The following CEP128 variants were observed in gnomAD, a reference collection of about 807,000 sequenced individuals.
CEP128 encodes the protein centrosomal protein 128kDa.
In CEP128, 132 loss-of-function variants were observed where a neutral mutation model predicts 156.7. The ratio of observed to expected loss-of-function variants is 0.84; its 90% CI spans 0.73 to 0.97. The LOEUF is 0.97. Ranked by LOEUF, CEP128 falls within the 50% of genes least tolerant of loss-of-function variation. CEP128 has a pLI of 0.00. For missense variants in CEP128, 1,252 were observed against 1,281.9 expected (o/e 0.98, Z 0.36); for synonymous variants, 469 against 448.9 (o/e 1.04, Z -0.57).
At chr14:80,744,038 CTGT>C (rs1384154726) in intron 18 of CEP128, among the ~76,000 whole-genome samples, 1 of 151,668 alleles carries the variant, frequency 6.6e-6, no homozygotes, top group Non-Finnish European at 1.5e-5. Context: ...GTCTGGCTAA[CTGT>C]TTTTTGTATT....
In CEP128 at chr14:80,519,999, T is replaced by C. The variant is rs910050157; in HGVS notation, c.3072+6870A>G. Among the ~76,000 whole-genome samples the C allele has an allele frequency of 9.9e-5, 15 of 152,258 alleles. 1 individual carries two copies. Among genetic ancestry groups the C allele is most frequent in the Admixed American group, 9.2e-4 (14 of 15,294 alleles). ...GGGGCTGCACCAGATCATCTCTAAG[T>C]CCTCTCAGCACTAACATTTTATGAT... On this transcript the variant is annotated intron_variant, in intron 23 of 24. Transcript: ENST00000555265.
intron 23 of CEP128, among the ~76,000 whole-genome samples, chr14:80,508,706 T>C (rs914559753): frequency 6.6e-6 from 1 of 152,222 alleles, no homozygotes; most frequent in Non-Finnish European, 1.5e-5. Context: ...TCATTTCAGC[T>C]GAAAAATTTA....
intron 19 of CEP128, among the ~76,000 whole-genome samples, chr14:80,669,186 C>G (rs1250061859): frequency 6.6e-6 from 1 of 152,048 alleles, no homozygotes; most frequent in Non-Finnish European, 1.5e-5. Context: ...GGATCAAAGA[C>G]TTAAATGTAA....
At chr14:80,648,640 A>G (rs568108352) in intron 19 of CEP128, among the ~76,000 whole-genome samples, 1 of 152,154 alleles carries the variant, frequency 6.6e-6, no homozygotes, top group African/African-American at 2.4e-5. Context: ...GAATACCTAC[A>G]TATTTGTAAA....
chr14:80,602,380 T>C (rs1027916067), intron 19 of CEP128, among the ~76,000 whole-genome samples: 9 of 152,340 alleles, frequency 5.9e-5, no homozygotes, highest in African/African-American at 1.9e-4. Context: ...TAGTCATCTA[T>C]AGAACACTTT....
intron 13 of CEP128, among the ~76,000 whole-genome samples, chr14:80,804,519 C>T (rs1047532049): frequency 1.3e-5 from 2 of 152,174 alleles, no homozygotes; most frequent in African/African-American, 4.8e-5. Flanking sequence ...AAAAATTAAA[C>T]TAATCCCTGT....
At chr14:80,564,140 G>A (rs988903735) in intron 20 of CEP128, among the ~76,000 whole-genome samples, 17 of 152,172 alleles carry the variant, frequency 1.1e-4, no homozygotes, top group Non-Finnish European at 1.5e-5. Context: ...CTGTTTATAT[G>A]TGATTGGATA....
At chr14:80,751,197 A>T (rs1363727582) in intron 18 of CEP128, among the ~76,000 whole-genome samples, 3 of 152,244 alleles carry the variant, frequency 2.0e-5, no homozygotes, top group Non-Finnish European at 4.4e-5. Flanking sequence ...GATTAATATA[A>T]TATGACCTAT....
chr14:80,944,172 C>A (rs1199098703), upstream of CEP128, among the ~76,000 whole-genome samples: 1 of 152,076 alleles, frequency 6.6e-6, no homozygotes, highest in African/African-American at 2.4e-5. Flanking sequence ...ATGGCCAACA[C>A]ACATTATACA....
chr14:80,891,377 A>C (rs184627245), intron 8 of CEP128, among the ~76,000 whole-genome samples: 1 of 152,140 alleles, frequency 6.6e-6, no homozygotes, highest in African/African-American at 2.4e-5. Flanking sequence ...TCAGCCAAAA[A>C]AAAGATGAGG....
Position 80,773,493 on chromosome 14 carries a change from T to C in CEP128, c.2376+4389A>G, listed in dbSNP as rs12588135. 4.0e-4 allele frequency among the ~76,000 whole-genome samples: 61 copies of C among 152,238 alleles called. No individual in the cohort carries two copies. The East Asian group carries it at 9.6e-3, about 24-fold the overall frequency. On this transcript the variant is annotated intron_variant, in intron 16 of 24. Coordinates refer to ENST00000555265, the MANE Select transcript of CEP128 (RefSeq NM_152446.5). ...TAAAAATATACAAACATATTCAAAA[T>C]TAAAATCAATTTTTTAAATATATCT... is the stretch of plus-strand genomic sequence containing the variant.
intron 10 of CEP128, among the ~76,000 whole-genome samples, chr14:80,838,652 A>AT (rs1258815965): frequency 6.6e-6 from 1 of 152,052 alleles, no homozygotes; most frequent in African/African-American, 2.4e-5. Context: ...TTCTAAGGCA[A>AT]TTTTTTTCTT....
At chr14:80,956,450 T>C (rs1886693151) in intron 2 of CEP128, among the ~76,000 whole-genome samples, 2 of 152,166 alleles carry the variant, frequency 1.3e-5, no homozygotes, top group South Asian at 4.1e-4. Flanking sequence ...TATAAAGAAA[T>C]GAAATTTCAT....
chr14:80,930,993 A>G (rs542410447), intron 2 of CEP128, among the ~76,000 whole-genome samples: 3 of 152,354 alleles, frequency 2.0e-5, no homozygotes, highest in African/African-American at 7.2e-5. Flanking sequence ...AACAGAGGAT[A>G]GTGAGGTACA....
At chr14:80,659,798 A>G (rs191653513) in intron 19 of CEP128, among the ~76,000 whole-genome samples, 5 of 152,308 alleles carry the variant, frequency 3.3e-5, no homozygotes, top group Admixed American at 6.5e-5. Flanking sequence ...ATTCTAAATA[A>G]TGATGACACT....
At chr14:80,937,154 C>CA in intron 2 of CEP128, among the ~76,000 whole-genome samples, 1 of 151,994 alleles carries the variant, frequency 6.6e-6, no homozygotes, top group Non-Finnish European at 1.5e-5. Context: ...CTTGTCTCTA[C>CA]AAAAAAATAA....
intron 19 of CEP128, among the ~76,000 whole-genome samples, chr14:80,722,741 T>C (rs568430704): frequency 1.3e-5 from 2 of 151,526 alleles, no homozygotes; most frequent in Non-Finnish European, 2.9e-5. Flanking sequence ...CAACTGACAA[T>C]TAAGCAAACA....
chr14:80,898,521 T>C (rs568506235), intron 7 of CEP128, among the ~76,000 whole-genome samples: 1 of 152,320 alleles, frequency 6.6e-6, no homozygotes, highest in South Asian at 2.1e-4. Context: ...CCCAGTCCAA[T>C]ATTGGTTACT....
rs1893471694 is a variant in CEP128 at position 80,621,357 on chromosome 14, C to T, written c.2807-40934G>A. On this transcript the variant is annotated intron_variant, in intron 19 of 24. Coordinates refer to ENST00000555265, the MANE Select transcript of CEP128 (RefSeq NM_152446.5). ...AAAATATCTAATATGTATTGTCTTT[C>T]CTCTTGAATCTGTTCTATTTGGTTT... Among the ~76,000 whole-genome samples, 2 of 152,104 alleles carry T rather than the reference C, an allele frequency of 1.3e-5. 1 individual carries two copies. The highest frequency in any genetic ancestry group is 1.3e-4 in the Admixed American group (2 of 15,254).
Sources: gnomAD v4.1 joint callset for allele counts (sites outside exome capture counted in the v4.1 genomes callset) on GRCh38, gnomAD v4.1.1 for gene constraint, MANE v1.5 for transcripts, NCBI Gene and HGNC (gene_info 2026-07-23, HGNC 2026-07-21) for gene names.